FLVCR2: variants seen among roughly 807,000 people sequenced by gnomAD.
FLVCR2 encodes the protein FLVCR choline and putative heme transporter 2, also known as choline/ethanolamine transporter FLVCR2.
FLVCR2 carries 38 observed loss-of-function variants against 48.9 expected under a neutral mutation model. That is an observed-to-expected ratio of 0.78 (90% CI 0.60 to 1.02). FLVCR2 has a LOEUF of 1.02. FLVCR2 is among the 50% of genes least tolerant of loss of function. FLVCR2 has a pLI of 0.00. For synonymous variants in FLVCR2, 255 were observed against 257.0 expected (o/e 0.99, Z 0.07); for missense variants, 664 against 663.3 (o/e 1.00, Z -0.01).
chr14:75,609,934 G>A (rs1889396479), intron 1 of FLVCR2, among the ~76,000 whole-genome samples: 1 of 152,196 alleles, frequency 6.6e-6, no homozygotes, highest in Non-Finnish European at 1.5e-5. Flanking sequence ...AGGGAATGCA[G>A]AAGACCGGAG....
intron 5 of FLVCR2, among the ~76,000 whole-genome samples, chr14:75,635,895 A>G (rs553964353): frequency 5.3e-5 from 8 of 152,308 alleles, no homozygotes; most frequent in Admixed American, 5.2e-4. Context: ...GGGTTAAAAA[A>G]AAATTAAAAG....
rs567069011 is a variant in FLVCR2, at chr14:75,596,010, C to T, written c.669+16369C>T. On this transcript the variant is annotated intron_variant, in intron 1 of 9. Coordinates refer to ENST00000238667, the MANE Select transcript of FLVCR2 (RefSeq NM_017791.3). ...CATGCCAAAGCCGGTTGTCTTGCCA[C>T]CACCAAAATGAGTTTTGAATGCAAA... The T allele has an allele frequency of 2.4e-5, 35 of 1,476,296 alleles. 1 individual carries two copies. In the South Asian group the frequency reaches 4.0e-4, roughly 17 times the overall value. 91.4% of individuals were successfully genotyped at this position (1,476,296 alleles called of 1,614,324 possible).
intron 1 of FLVCR2, among the ~76,000 whole-genome samples, chr14:75,597,670 A>G (rs540537921): frequency 2.6e-5 from 4 of 152,216 alleles, no homozygotes; most frequent in Admixed American, 1.3e-4. Context: ...CCCAAGTTCA[A>G]GTCATTCTCA....
chr14:75,602,992 C>T (rs1012077928), intron 1 of FLVCR2, among the ~76,000 whole-genome samples: 3 of 152,120 alleles, frequency 2.0e-5, no homozygotes, highest in Non-Finnish European at 2.9e-5. Context: ...GGGTCTGTTC[C>T]AACACTGGCC....
Position 75,646,695 on chromosome 14 carries a change from T to TC in FLVCR2, c.*225dup. The TC allele has an allele frequency of 1.8e-6, 1 of 567,776 alleles. No homozygotes were observed. Among genetic ancestry groups the TC allele is most frequent in the South Asian group, 1.8e-5 (1 of 55,202 alleles). 35.2% of individuals were successfully genotyped at this position (567,776 alleles called of 1,614,324 possible). A position where few individuals can be genotyped will look rare whatever the true frequency, so the allele number is the denominator to read the frequency against. ...ACCAAATGCAAATTTGATTCCCACC[T>TC]CCACCCCCTTTTAGGTTATGGGAGT... On this transcript the variant is annotated 3_prime_UTR_variant, in exon 10 of 10. Coordinates refer to ENST00000238667, the MANE Select transcript of FLVCR2 (RefSeq NM_017791.3).
At chr14:75,581,769 G>A (rs1888615216) in intron 1 of FLVCR2, among the ~76,000 whole-genome samples, 1 of 152,224 alleles carries the variant, frequency 6.6e-6, no homozygotes, top group Non-Finnish European at 1.5e-5. Flanking sequence ...GATATGTAGG[G>A]AAGGGAGGGG....
intron 1 of FLVCR2, 116 bp downstream of exon 1, chr14:75,579,757 CAG>C: frequency 8.5e-7 from 1 of 1,175,904 alleles, no homozygotes; most frequent in Non-Finnish European, 1.2e-6. Context: ...CTCTGGGTGA[CAG>C]TAACTGGGTG....
rs115720286 is a variant in FLVCR2, at chr14:75,606,542, A to C, written c.670-15537A>C. 2.6e-3 allele frequency among the ~76,000 whole-genome samples: 398 copies of C among 152,344 alleles called. 1 individual carries two copies. The highest frequency in any genetic ancestry group is 9.1e-3 in the African/African-American group (378 of 41,578). On this transcript the variant is annotated intron_variant, in intron 1 of 9. Transcript: ENST00000238667. Reference sequence around the variant, plus strand: ...CACCTCTCTCCCACCATTCCTGCCTAGGGTACATAGGGGAAGCCAGCAGCT... The same window carrying C: ...CACCTCTCTCCCACCATTCCTGCCTCGGGTACATAGGGGAAGCCAGCAGCT...
At chr14:75,583,106 G>A (rs1888653380) in intron 1 of FLVCR2, among the ~76,000 whole-genome samples, 1 of 152,182 alleles carries the variant, frequency 6.6e-6, no homozygotes, top group African/African-American at 2.4e-5. Context: ...GCGAAGAGAG[G>A]CTGGGATGAA....
intron 1 of FLVCR2, among the ~76,000 whole-genome samples, chr14:75,602,163 A>T (rs1052083079): frequency 2.6e-5 from 4 of 152,212 alleles, no homozygotes; most frequent in African/African-American, 7.2e-5. Context: ...TGTGCTCACC[A>T]ACCAGAAGCT....
chr14:75,603,021 G>A (rs776948346), intron 1 of FLVCR2, among the ~76,000 whole-genome samples: 1 of 152,006 alleles, frequency 6.6e-6, no homozygotes, highest in Non-Finnish European at 1.5e-5. Context: ...CTGGTGGTTC[G>A]TCTATTTCTC....
intron 3 of FLVCR2, among the ~76,000 whole-genome samples, chr14:75,627,637 T>G (rs148675150): frequency 6.6e-6 from 1 of 152,330 alleles, no homozygotes; most frequent in East Asian, 1.9e-4. Flanking sequence ...GGAAAAGCCC[T>G]ATTCATAGGA....
intron 1 of FLVCR2, among the ~76,000 whole-genome samples, chr14:75,616,029 A>C (rs1371055375): frequency 1.4e-5 from 2 of 145,670 alleles, no homozygotes; most frequent in African/African-American, 5.0e-5. Flanking sequence ...TCCATCTCAA[A>C]AAAAAAAAAA....
chr14:75,588,644 A>C (rs1443877126), intron 1 of FLVCR2, among the ~76,000 whole-genome samples: 2 of 152,088 alleles, frequency 1.3e-5, no homozygotes, highest in African/African-American at 2.4e-5. Flanking sequence ...ATGCCCAGAA[A>C]ATTTTTGTAT....
chr14:75,632,843 C>T (rs1409337571), intron 3 of FLVCR2: 2 of 702,316 alleles, frequency 2.8e-6, no homozygotes, highest in Non-Finnish European at 5.2e-6. Flanking sequence ...GATAATACTA[C>T]CTACTTTCTA....
At chr14:75,614,068 C>G (rs555873122) in intron 1 of FLVCR2, among the ~76,000 whole-genome samples, 1 of 152,300 alleles carries the variant, frequency 6.6e-6, no homozygotes, top group East Asian at 1.9e-4. Flanking sequence ...TGTAAAACAT[C>G]CTTTGGCAAG....
chr14:75,646,331 G>C, intron 9 of FLVCR2, 70 bp from the exon 10 acceptor site: 1 of 1,060,152 alleles, frequency 9.4e-7, no homozygotes, highest in Non-Finnish European at 1.5e-6. Flanking sequence ...TCATGGCCAG[G>C]CAGCTGCTCC....
At chr14:75,638,831 TCA>T (rs1338781719) in intron 5 of FLVCR2, among the ~76,000 whole-genome samples, 1 of 152,224 alleles carries the variant, frequency 6.6e-6, no homozygotes, top group Non-Finnish European at 1.5e-5. Context: ...GTAGCATTGA[TCA>T]TGATGTAATT....
At chr14:75,614,946 C>T (rs1889569700) in intron 1 of FLVCR2, among the ~76,000 whole-genome samples, 1 of 152,184 alleles carries the variant, frequency 6.6e-6, no homozygotes, top group African/African-American at 2.4e-5. Flanking sequence ...CCCCCATGAT[C>T]CAGTCACCTC....
Sources: allele counts gnomAD v4.1 joint callset (sites outside exome capture counted in the v4.1 genomes callset), GRCh38; gene constraint gnomAD v4.1.1; transcripts MANE v1.5; gene names NCBI Gene and HGNC (gene_info 2026-07-23, HGNC 2026-07-21).